The following ASIC2 variants were observed in gnomAD, a reference collection of about 807,000 sequenced individuals.
The protein encoded by ASIC2 is acid sensing ion channel subunit 2.
Under a neutral mutation model 57.3 loss-of-function variants are expected in ASIC2, and 25 were observed. The ratio of observed to expected loss-of-function variants is 0.44; its 90% CI spans 0.32 to 0.61. ASIC2 has a LOEUF of 0.61. ASIC2 is among the 20% of genes least tolerant of loss of function. The pLI is 0.06. For synonymous variants in ASIC2, 319 were observed against 307.5 expected, an observed-to-expected ratio of 1.04 and a Z score of -0.39; for missense variants, 641 against 738.1, an observed-to-expected ratio of 0.87 and a Z score of 1.52.
At chr17:33,983,908 C>T (rs62058227) in intron 1 of ASIC2, among the ~76,000 whole-genome samples, 3,786 of 152,286 alleles carry the variant, frequency 0.025, 52 homozygotes, top group Middle Eastern at 0.054. Context: ...AATTATCTGG[C>T]TTAAAATGCC....
chr17:33,456,502 G>T (rs1912458282), intron 1 of ASIC2, among the ~76,000 whole-genome samples: 1 of 152,190 alleles, frequency 6.6e-6, no homozygotes, highest in South Asian at 2.1e-4. Flanking sequence ...GGCTGCACCA[G>T]CTACTGGGTA....
At chr17:33,136,401 A>C (rs957047660) in intron 1 of ASIC2, among the ~76,000 whole-genome samples, 1 of 152,248 alleles carries the variant, frequency 6.6e-6, no homozygotes, top group African/African-American at 2.4e-5. Flanking sequence ...TTATATGAAC[A>C]CAGGTATGCA....
intron 1 of ASIC2, among the ~76,000 whole-genome samples, chr17:33,282,554 A>C (rs763849387): frequency 2.0e-5 from 3 of 151,858 alleles, no homozygotes; most frequent in Non-Finnish European, 2.9e-5. Flanking sequence ...GGCTCATTAT[A>C]ACCTCCGCCT....
At chr17:34,133,650 A>G (rs1381102599) in intron 1 of ASIC2, among the ~76,000 whole-genome samples, 1 of 152,240 alleles carries the variant, frequency 6.6e-6, no homozygotes, top group East Asian at 1.9e-4. Context: ...TGAGGCAGCC[A>G]AGGAAACCCA....
intron 1 of ASIC2, among the ~76,000 whole-genome samples, chr17:33,364,518 C>T (rs1271747580): frequency 6.6e-6 from 1 of 152,034 alleles, no homozygotes; most frequent in Non-Finnish European, 1.5e-5. Flanking sequence ...GGTGGATTCC[C>T]CCTTGCTGTT....
intron 1 of ASIC2, among the ~76,000 whole-genome samples, chr17:33,367,400 G>A (rs2141935923): frequency 6.6e-6 from 1 of 152,342 alleles, no homozygotes; most frequent in Non-Finnish European, 1.5e-5. Flanking sequence ...CTCCCTTGAA[G>A]TACTCCTAAT....
intron 1 of ASIC2, among the ~76,000 whole-genome samples, chr17:33,359,255 A>G (rs1020867816): frequency 6.6e-6 from 1 of 152,218 alleles, no homozygotes; most frequent in African/African-American, 2.4e-5. Context: ...TTAATCTCTG[A>G]GAATTTGGTT....
At chr17:34,072,580 A>C (rs1163523132) in intron 1 of ASIC2, among the ~76,000 whole-genome samples, 2 of 152,214 alleles carry the variant, frequency 1.3e-5, no homozygotes, top group East Asian at 3.8e-4. Flanking sequence ...TAACAAAATG[A>C]AAGTCACCCA....
At chr17:33,388,577 A>G (rs1909779899) in intron 1 of ASIC2, among the ~76,000 whole-genome samples, 1 of 152,180 alleles carries the variant, frequency 6.6e-6, no homozygotes, top group Non-Finnish European at 1.5e-5. Flanking sequence ...TTAAGGATAC[A>G]GACTTTTATC....
chr17:33,981,562 G>A (rs961832908), intron 1 of ASIC2, among the ~76,000 whole-genome samples: 1 of 151,990 alleles, frequency 6.6e-6, no homozygotes, highest in Non-Finnish European at 1.5e-5. Flanking sequence ...TGGTCTTTTG[G>A]GCTCTCAAAT....
chr17:33,183,936 C>G (rs564367094), intron 1 of ASIC2, among the ~76,000 whole-genome samples: 1 of 152,188 alleles, frequency 6.6e-6, no homozygotes, highest in Admixed American at 6.6e-5. Flanking sequence ...CATCCCTTAA[C>G]GTCTCTGGGC....
intron 1 of ASIC2, among the ~76,000 whole-genome samples, chr17:34,062,748 G>A (rs1157184931): frequency 2.6e-5 from 4 of 152,070 alleles, no homozygotes; most frequent in Non-Finnish European, 5.9e-5. Flanking sequence ...ACACCTTTAC[G>A]CACATAAACT....
chr17:34,008,645 A>G (rs751157416), intron 1 of ASIC2, among the ~76,000 whole-genome samples: 16 of 152,114 alleles, frequency 1.1e-4, no homozygotes, highest in Non-Finnish European at 2.1e-4. Flanking sequence ...ATATCTAGGA[A>G]TTTGTTATTG....
At chr17:33,598,822 T>A (rs1905050513) in intron 1 of ASIC2, among the ~76,000 whole-genome samples, 1 of 152,130 alleles carries the variant, frequency 6.6e-6, no homozygotes, top group South Asian at 2.1e-4. Flanking sequence ...CAAGAAAGAA[T>A]GAGATTTCAG....
rs55667206 is a variant in ASIC2 at position 33,350,687 on chromosome 17, AAAAG to A, written c.556-238624_556-238621del. ...ACAGAGCGAGACTCTGTGAGAAAAA[AAAAG>A]AAAGAAAGAAAGAAAGAAAGAAATA... On this transcript the variant is annotated intron_variant, in intron 1 of 9. Coordinates refer to the ASIC2 transcript ENST00000359872. Among the ~76,000 whole-genome samples, 296 of 145,658 alleles carry A rather than the reference AAAAG, an allele frequency of 2.0e-3. 4 individuals are homozygous for A. The highest frequency in any genetic ancestry group is 6.7e-3 in the African/African-American group (250 of 37,270).
intron 1 of ASIC2, among the ~76,000 whole-genome samples, chr17:33,803,179 G>A (rs1912178000): frequency 6.6e-6 from 1 of 152,200 alleles, no homozygotes; most frequent in African/African-American, 2.4e-5. Flanking sequence ...GAATTTCCAA[G>A]CACTCTACAT....
chr17:33,345,333 G>A (rs1476184416), intron 1 of ASIC2, among the ~76,000 whole-genome samples: 2 of 152,188 alleles, frequency 1.3e-5, no homozygotes, highest in African/African-American at 2.4e-5. Context: ...AGAAAGTACC[G>A]ATGGGCAAGG....
chr17:34,149,205 T>C (rs867678506), intron 1 of ASIC2, among the ~76,000 whole-genome samples: 1 of 151,850 alleles, frequency 6.6e-6, no homozygotes, highest in Non-Finnish European at 1.5e-5. Context: ...CTTCCAGTTT[T>C]AAGCTAACCT....
intron 1 of ASIC2, among the ~76,000 whole-genome samples, chr17:33,885,559 GA>G (rs980504674): frequency 2.0e-5 from 3 of 152,050 alleles, no homozygotes; most frequent in Non-Finnish European, 4.4e-5. Context: ...CTTTGCAGAA[GA>G]AAAAAATGAC....
Sources: allele counts gnomAD v4.1 joint callset (sites outside exome capture counted in the v4.1 genomes callset), GRCh38; gene constraint gnomAD v4.1.1; transcripts MANE v1.5; gene names NCBI Gene and HGNC (gene_info 2026-07-23, HGNC 2026-07-21).